The following AMN1 variants were observed in gnomAD, a reference collection of about 807,000 sequenced individuals.
AMN1 encodes antagonist of mitotic exit network 1 homolog.
Under a neutral mutation model 33.0 loss-of-function variants are expected in AMN1, and 20 were observed. The ratio of observed to expected loss-of-function variants is 0.61; its 90% CI spans 0.43 to 0.88. The LOEUF is 0.88. AMN1 is among the 40% of genes least tolerant of loss of function. The pLI is 0.00. For missense variants in AMN1, 246 were observed against 307.4 expected (o/e 0.80, Z 1.49); for synonymous variants, 114 against 111.9 (o/e 1.02, Z -0.12).
At chr12:31,673,856 G>A (rs1042336010) in intron 6 of AMN1, among the ~76,000 whole-genome samples, 14 of 152,152 alleles carry the variant, frequency 9.2e-5, no homozygotes, top group African/African-American at 3.4e-4. Context: ...CTGTGTTAAT[G>A]TCCTATTGCT....
intron 1 of AMN1, among the ~76,000 whole-genome samples, chr12:31,718,514 C>T (rs1237798064): frequency 1.3e-5 from 2 of 152,142 alleles, no homozygotes; most frequent in African/African-American, 2.4e-5. Flanking sequence ...AATTTTCAGG[C>T]TTTCTGCTCT....
chr12:31,688,239 C>T (rs566659469), intron 6 of AMN1, among the ~76,000 whole-genome samples: 173 of 152,316 alleles, frequency 1.1e-3, no homozygotes, highest in Non-Finnish European at 1.9e-3. Flanking sequence ...TAGGCATGAG[C>T]CACCACGCCC....
intron 1 of AMN1, among the ~76,000 whole-genome samples, chr12:31,710,863 CAGAA>C (rs1187767098): frequency 6.6e-6 from 1 of 152,140 alleles, no homozygotes; most frequent in Non-Finnish European, 1.5e-5. Context: ...TTAGTAGTGT[CAGAA>C]AGCTCCTTTC....
intron 6 of AMN1, among the ~76,000 whole-genome samples, chr12:31,678,984 G>A (rs945415146): frequency 9.2e-5 from 14 of 151,970 alleles, no homozygotes; most frequent in African/African-American, 2.7e-4. Flanking sequence ...TTAATTAAAG[G>A]GAAACCCTGA....
chr12:31,693,831 C>T (rs923925787), intron 5 of AMN1, among the ~76,000 whole-genome samples: 5 of 151,914 alleles, frequency 3.3e-5, no homozygotes, highest in Admixed American at 2.0e-4. Flanking sequence ...TGTGAGCCAC[C>T]GCACCCAGCC....
intron 6 of AMN1, among the ~76,000 whole-genome samples, chr12:31,686,759 T>C (rs74085142): frequency 0.018 from 2,743 of 152,284 alleles, 73 homozygotes; most frequent in African/African-American, 0.062. Context: ...AAGTATGGCT[T>C]CTACTGAATG....
Position 31,683,524 on chromosome 12 carries a change from C to T in AMN1, c.703+5483G>A, listed in dbSNP as rs571552915. 6.6e-6 allele frequency among the ~76,000 whole-genome samples: 1 copy of T among 152,260 alleles called. No individual in the cohort carries two copies. The highest frequency in any genetic ancestry group is 2.4e-5 in the African/African-American group (1 of 41,560). On this transcript the variant is annotated intron_variant, in intron 6 of 6. Coordinates refer to ENST00000281471, the MANE Select transcript of AMN1 (RefSeq NM_001113402.2). This position sits in a 1 kb window ranked among gnomAD's most constrained non-coding sequence, Gnocchi z 4.1. ...ATTCCCATGTGTCGTGAGAGGGACC[C>T]GGTGGGAGGTAATTGAATCATGGGG...
In AMN1 at chr12:31,684,498, T is replaced by A. The variant is rs145624419; in HGVS notation, c.703+4509A>T. Among the ~76,000 whole-genome samples the A allele has an allele frequency of 8.4e-3, 1,244 of 148,160 alleles. 18 individuals are homozygous for A. Among genetic ancestry groups the A allele is most frequent in the African/African-American group, 0.029 (1,174 of 40,244 alleles). ...TTTTTTTTTTTTTTTTGAGATGGAG[T>A]CTCACTCTATTGCCCAGGCTGGAGT... is the stretch of plus-strand genomic sequence containing the variant. On this transcript the variant is annotated intron_variant, in intron 6 of 6. Coordinates refer to ENST00000281471, the MANE Select transcript of AMN1 (RefSeq NM_001113402.2).
chr12:31,726,062 G>A (rs935100850), intron 1 of AMN1, among the ~76,000 whole-genome samples: 11 of 151,974 alleles, frequency 7.2e-5, no homozygotes, highest in Non-Finnish European at 1.2e-4. Context: ...TATTTCTACT[G>A]GATATTCTGA....
At chr12:31,709,496 T>C in intron 1 of AMN1, 71 bp from the exon 2 acceptor site, 10 of 1,517,838 alleles carry the variant, frequency 6.6e-6, no homozygotes, top group Non-Finnish European at 8.9e-6. Flanking sequence ...CTTAATGCTA[T>C]TTGTTAGCAC....
chr12:31,709,521 AAAGT>A, intron 1 of AMN1, 96 bp from the exon 2 acceptor site: 1 of 1,443,478 alleles, frequency 6.9e-7, no homozygotes. Flanking sequence ...CCCTTTCATA[AAAGT>A]GTGTACATTT....
chr12:31,691,507 C>T (rs1020033848), intron 5 of AMN1, among the ~76,000 whole-genome samples: 4 of 151,784 alleles, frequency 2.6e-5, no homozygotes, highest in African/African-American at 9.7e-5. Flanking sequence ...ATAACAATTA[C>T]CAAAATTTAT....
At chr12:31,705,777 G>C (rs1939210145) in intron 2 of AMN1, among the ~76,000 whole-genome samples, 1 of 152,114 alleles carries the variant, frequency 6.6e-6, no homozygotes, top group Admixed American at 6.5e-5. Flanking sequence ...TAGCCCTCCT[G>C]TGCAGACAAC....
Position 31,697,816 on chromosome 12 carries a change from C to T in AMN1, c.458G>A (p.Ser153Asn). The change falls in exon 4 of 7, where the codon AGT (serine) becomes AAT (asparagine). Residue 153 changes from serine to asparagine, a missense_variant. Transcript: ENST00000281471. The stretch of plus-strand genomic sequence containing the variant: ...TGCATGTAAGGACACATCAGTAATA[C>T]TTAAGCAGCCACCTAAATCGATGAT... Reference protein sequence around the residue: ...LKIIDLGGCLSITDVSLHALG... With the variant: ...LKIIDLGGCLNITDVSLHALG... 2 of 1,614,002 alleles carry T rather than the reference C, an allele frequency of 1.2e-6. No individual in the cohort carries two copies. The highest frequency in any genetic ancestry group is 2.7e-5 in the African/African-American group (2 of 75,058).
At chr12:31,708,957 C>T (rs1318547160) in intron 2 of AMN1, 1 of 396,840 alleles carries the variant, frequency 2.5e-6, no homozygotes, top group Non-Finnish European at 5.0e-6. Context: ...GCGGATGGAT[C>T]ACTTGAGCTC....
Position 31,687,799 on chromosome 12 carries a change from G to A in AMN1, c.703+1208C>T, listed in dbSNP as rs1336068338. On this transcript the variant is annotated intron_variant, in intron 6 of 6. Coordinates refer to ENST00000281471, the MANE Select transcript of AMN1 (RefSeq NM_001113402.2). The surrounding 1 kb of genome is among the most constrained non-coding windows in gnomAD (Gnocchi z 4.1). The stretch of plus-strand genomic sequence containing the variant: ...CAAGTTAGATCCAGTTTATATTACG[G>A]TGTGGACCTATTATAGGGGTAATAT... Among the ~76,000 whole-genome samples the A allele has an allele frequency of 6.6e-6, 1 of 152,186 alleles. No homozygotes were observed.
intron 1 of AMN1, among the ~76,000 whole-genome samples, chr12:31,711,915 T>C (rs774919079): frequency 6.6e-6 from 1 of 152,170 alleles, no homozygotes; most frequent in Admixed American, 6.5e-5. Flanking sequence ...CTTCATGATA[T>C]CCACTTTTTT....
At chr12:31,679,596 G>A (rs1937903458) in intron 6 of AMN1, among the ~76,000 whole-genome samples, 1 of 152,094 alleles carries the variant, frequency 6.6e-6, no homozygotes, top group Admixed American at 6.5e-5. Flanking sequence ...AATTCAAGTC[G>A]ACTAAATTGA....
chr12:31,707,239 C>A (rs183024571), intron 2 of AMN1, among the ~76,000 whole-genome samples: 203 of 152,248 alleles, frequency 1.3e-3, no homozygotes, highest in Admixed American at 2.9e-3. Context: ...TATACTGTTA[C>A]ACCTAAGTGT....
Sources: gnomAD v4.1 joint callset for allele counts (sites outside exome capture counted in the v4.1 genomes callset) on GRCh38, gnomAD v4.1.1 for gene constraint, Gnocchi (gnomAD v3.1) non-coding constraint, MANE v1.5 for transcripts, NCBI Gene and HGNC (gene_info 2026-07-23, HGNC 2026-07-21) for gene names.